OGDH: variants seen among roughly 807,000 people sequenced by gnomAD.
OGDH encodes the protein oxoglutarate dehydrogenase.
Under a neutral mutation model 116.6 loss-of-function variants are expected in OGDH, and 38 were observed. That is an observed-to-expected ratio of 0.33 (90% CI 0.25 to 0.43). The LOEUF is 0.43. OGDH is among the 20% of genes least tolerant of loss of function. The probability of loss-of-function intolerance (pLI) is 1.00; values close to 1 mark genes in which losing one functional copy is unlikely to be tolerated. For synonymous variants in OGDH, 488 were observed against 533.3 expected (o/e 0.92, Z 1.17); for missense variants, 825 against 1,357.2 (o/e 0.61, Z 6.16).
intron 2 of OGDH, among the ~76,000 whole-genome samples, chr7:44,629,052 C>T (rs1045328590): frequency 6.6e-6 from 1 of 152,202 alleles, no homozygotes; most frequent in Non-Finnish European, 1.5e-5. Context: ...GCCTATGAAA[C>T]CCTCCTCATT....
At chr7:44,609,756 A>G (rs1263700587) in intron 1 of OGDH, among the ~76,000 whole-genome samples, 1 of 152,236 alleles carries the variant, frequency 6.6e-6, no homozygotes, top group Non-Finnish European at 1.5e-5. Context: ...TAGTTATTAA[A>G]CAAATAGCCA....
chr7:44,665,239 T>C (rs1395009773), intron 4 of OGDH, among the ~76,000 whole-genome samples: 2 of 147,072 alleles, frequency 1.4e-5, no homozygotes, highest in African/African-American at 2.6e-5. Context: ...AGGGAATGGG[T>C]GTTCAGGCTT....
chr7:44,646,333 T>G (rs1418758488), intron 3 of OGDH, among the ~76,000 whole-genome samples: 1 of 152,242 alleles, frequency 6.6e-6, no homozygotes, highest in African/African-American at 2.4e-5. Flanking sequence ...CTGGGCTGTC[T>G]TTTCTCTCAT....
chr7:44,683,853 A>G (rs939062949), intron 10 of OGDH, among the ~76,000 whole-genome samples: 5 of 152,048 alleles, frequency 3.3e-5, no homozygotes, highest in South Asian at 2.1e-4. Context: ...CCCCTCATCG[A>G]TGCGTGTGAA....
intron 9 of OGDH, among the ~76,000 whole-genome samples, chr7:44,678,799 A>G (rs188567285): frequency 3.5e-4 from 54 of 152,312 alleles, no homozygotes; most frequent in African/African-American, 1.2e-3. Context: ...TTTGATTTCT[A>G]TTAAATCCAG....
Position 44,645,525 on chromosome 7 carries a change from C to T in OGDH, c.414+7C>T, listed in dbSNP as rs763040620. The T allele has an allele frequency of 1.6e-5, 26 of 1,612,868 alleles. No individual in the cohort carries two copies. The highest frequency in any genetic ancestry group is 1.6e-4 in the Middle Eastern group (1 of 6,076). ...GCTCATCAGGGCATATCAGGTAAGG[C>T]GGGTGCTTTACCCGCACACGGGAAA... On this transcript the variant is annotated splice_region_variant and intron_variant, in intron 3 of 22. Transcript: ENST00000222673.
intron 12 of OGDH, among the ~76,000 whole-genome samples, chr7:44,695,200 G>T (rs1171414590): frequency 1.3e-5 from 2 of 152,048 alleles, no homozygotes; most frequent in Non-Finnish European, 2.9e-5. Context: ...ACTTCAAGCA[G>T]TTTTCATGTC....
At chr7:44,679,929 G>A (rs1159832006) in intron 9 of OGDH, among the ~76,000 whole-genome samples, 1 of 152,092 alleles carries the variant, frequency 6.6e-6, no homozygotes, top group Non-Finnish European at 1.5e-5. Flanking sequence ...CATCTTTCTC[G>A]GCCAGGCACG....
intron 4 of OGDH, among the ~76,000 whole-genome samples, chr7:44,653,607 A>G (rs1243400920): frequency 6.6e-6 from 1 of 151,998 alleles, no homozygotes; most frequent in African/African-American, 2.4e-5. Context: ...ACTCACTGCA[A>G]CCTCTCCTTC....
chr7:44,637,078 C>T (rs375064999), intron 2 of OGDH, among the ~76,000 whole-genome samples: 6 of 152,270 alleles, frequency 3.9e-5, no homozygotes, highest in Middle Eastern at 6.8e-3. Context: ...TTCTTTTTCA[C>T]TCACCTGCAG....
chr7:44,686,728 GC>G (rs1217535832), intron 10 of OGDH, among the ~76,000 whole-genome samples: 1 of 137,506 alleles, frequency 7.3e-6, no homozygotes, highest in East Asian at 2.1e-4. Flanking sequence ...TTGCTCTGTC[GC>G]CCAGGCCGGA....
At chr7:44,705,081 C>T (rs1177766358) in intron 20 of OGDH, among the ~76,000 whole-genome samples, 6 of 89,184 alleles carry the variant, frequency 6.7e-5, no homozygotes, top group South Asian at 4.1e-4. Context: ...GAGACGGAGT[C>T]TCGCTCTGTC....
chr7:44,661,418 C>T (rs1786934733), intron 4 of OGDH, among the ~76,000 whole-genome samples: 2 of 152,126 alleles, frequency 1.3e-5, no homozygotes, highest in South Asian at 4.1e-4. Context: ...TAATCTCTGT[C>T]TTCTATTTAA....
chr7:44,702,158 A>G (rs1344785207), intron 20 of OGDH, among the ~76,000 whole-genome samples: 2 of 152,026 alleles, frequency 1.3e-5, no homozygotes, highest in Non-Finnish European at 2.9e-5. Flanking sequence ...CTTAACATGC[A>G]GCCCAGGAGC....
intron 2 of OGDH, among the ~76,000 whole-genome samples, chr7:44,640,921 G>T (rs186974901): frequency 3.3e-4 from 50 of 150,762 alleles, no homozygotes; most frequent in African/African-American, 1.2e-3. Flanking sequence ...TTGAGACAGA[G>T]TCTCGCTCTG....
chr7:44,647,639 A>G lies in OGDH; in HGVS notation c.415-18A>G, dbSNP rs1184179955. On this transcript the variant is annotated intron_variant, in intron 3 of 22. Coordinates refer to ENST00000222673, the MANE Select transcript of OGDH (RefSeq NM_002541.4). ...CCTTTTGTGTGTGTCCTTCCCTCTC[A>G]TCGTTGGCCACTCATAGATACGAGG... 1.9e-6 allele frequency: 3 copies of G among 1,604,924 alleles called. No homozygotes were observed. Among genetic ancestry groups the G allele is most frequent in the South Asian group, 2.2e-5 (2 of 90,864 alleles).
At chr7:44,653,957 C>T (rs1257390185) in intron 4 of OGDH, among the ~76,000 whole-genome samples, 1 of 152,138 alleles carries the variant, frequency 6.6e-6, no homozygotes, top group Non-Finnish European at 1.5e-5. Flanking sequence ...CAGGTTCAAG[C>T]AATCCTCCTG....
At position 44,697,456 on chromosome 7, in the gene OGDH, A is replaced by G. The variant is rs367952650; in HGVS notation, c.2138A>G (p.Tyr713Cys). 4.3e-6 allele frequency: 7 copies of G among 1,614,034 alleles called. No individual in the cohort carries two copies. The highest frequency in any genetic ancestry group is 1.3e-5 in the African/African-American group (1 of 74,916). The change falls in exon 16 of 23, where the codon TAT (tyrosine) becomes TGT (cysteine). Residue 713 changes from tyrosine to cysteine, a missense_variant. By Grantham distance (194) the Tyr-to-Cys change is radical. Transcript: ENST00000222673. The surrounding 1 kb of genome is among the most constrained non-coding windows in gnomAD (Gnocchi z 6.0). ...MNHLWPNQAP[Y>C]TVCNSSLSEY... is the part of the protein sequence containing the mutation. ...CATCTCTGGCCCAATCAGGCCCCCT[A>G]TACTGTGTGCAACAGCTCACTGTCT... is the stretch of plus-strand genomic sequence containing the variant.
At chr7:44,637,202 TG>T (rs2115666787) in intron 2 of OGDH, among the ~76,000 whole-genome samples, 1 of 152,278 alleles carries the variant, frequency 6.6e-6, no homozygotes, top group Admixed American at 6.5e-5. Context: ...GTGCTCCTGT[TG>T]TCTATTCTCT....
Sources: allele counts gnomAD v4.1 joint callset (sites outside exome capture counted in the v4.1 genomes callset), GRCh38; gene constraint gnomAD v4.1.1; non-coding constraint Gnocchi (gnomAD v3.1); transcripts MANE v1.5; gene names NCBI Gene and HGNC (gene_info 2026-07-23, HGNC 2026-07-21).